BBS9: variants seen among roughly 807,000 people sequenced by gnomAD.
BBS9 encodes Bardet-Biedl syndrome 9, also known as protein PTHB1.
In BBS9, 89 loss-of-function variants were observed where a neutral mutation model predicts 117.7. The ratio of observed to expected loss-of-function variants is 0.76; its 90% CI spans 0.64 to 0.90. BBS9 has a LOEUF of 0.90. Ranked by LOEUF, BBS9 falls within the 40% of genes least tolerant of loss-of-function variation. The pLI is 0.00. For missense variants in BBS9, 982 were observed against 1,042.2 expected, an observed-to-expected ratio of 0.94 and a Z score of 0.80; for synonymous variants, 379 against 370.9, an observed-to-expected ratio of 1.02 and a Z score of -0.25.
At chr7:33,627,913 G>A (rs1007938302) in intron 21 of BBS9, among the ~76,000 whole-genome samples, 2 of 152,106 alleles carry the variant, frequency 1.3e-5, no homozygotes, top group Non-Finnish European at 2.9e-5. Context: ...ATGTGGTGGT[G>A]CATGCCTATG....
chr7:33,186,919 A>G (rs1181612707), intron 5 of BBS9, among the ~76,000 whole-genome samples: 1 of 152,218 alleles, frequency 6.6e-6, no homozygotes, highest in Non-Finnish European at 1.5e-5. Context: ...TACTAAATCA[A>G]TTTTGAAAAG....
chr7:33,596,840 C>T (rs2129189190), intron 21 of BBS9, among the ~76,000 whole-genome samples: 1 of 152,216 alleles, frequency 6.6e-6, no homozygotes, highest in South Asian at 2.1e-4. Flanking sequence ...TGCCCATCCC[C>T]CTTCCTTCTA....
chr7:33,356,047 G>T (rs1294433456), intron 15 of BBS9, among the ~76,000 whole-genome samples: 1 of 151,694 alleles, frequency 6.6e-6, no homozygotes, highest in Non-Finnish European at 1.5e-5. Flanking sequence ...TTCTTTTTGT[G>T]CCTGTACAGA....
intron 19 of BBS9, chr7:33,390,309 T>C: frequency 7.1e-6 from 7 of 985,152 alleles, no homozygotes; most frequent in Non-Finnish European, 8.4e-6. Context: ...ATTTTCTATA[T>C]AGTAAGACTT....
At chr7:33,531,951 A>T (rs2129056806) in intron 20 of BBS9, among the ~76,000 whole-genome samples, 1 of 152,334 alleles carries the variant, frequency 6.6e-6, no homozygotes, top group African/African-American at 2.4e-5. Flanking sequence ...TTTATATCTC[A>T]CCATCTCTGT....
intron 4 of BBS9, among the ~76,000 whole-genome samples, chr7:33,163,808 G>T (rs1323601832): frequency 6.6e-6 from 1 of 152,010 alleles, no homozygotes. Flanking sequence ...TTTTTTGAAG[G>T]GTTTTTTGTG....
At chr7:33,500,791 G>A (rs992895545) in intron 19 of BBS9, among the ~76,000 whole-genome samples, 3 of 152,136 alleles carry the variant, frequency 2.0e-5, no homozygotes, top group Non-Finnish European at 4.4e-5. Context: ...ACCAATTTTA[G>A]AGCCTATCTT....
chr7:33,408,794 C>T (rs926002906), intron 19 of BBS9, among the ~76,000 whole-genome samples: 4 of 152,176 alleles, frequency 2.6e-5, no homozygotes, highest in Non-Finnish European at 4.4e-5. Context: ...CATACTGCTC[C>T]CCACAGTGGA....
At chr7:33,269,726 G>GAAA (rs889472546) in intron 7 of BBS9, among the ~76,000 whole-genome samples, 2 of 110,354 alleles carry the variant, frequency 1.8e-5, no homozygotes, top group Non-Finnish European at 3.9e-5. Context: ...ACTCCAAATG[G>GAAA]AAAAAAAAAA....
intron 19 of BBS9, among the ~76,000 whole-genome samples, chr7:33,452,225 T>C (rs1837992591): frequency 6.6e-6 from 1 of 152,148 alleles, no homozygotes; most frequent in African/African-American, 2.4e-5. Flanking sequence ...TTTTATAGTT[T>C]TTAGTGTACA....
intron 19 of BBS9, among the ~76,000 whole-genome samples, chr7:33,494,885 C>G (rs991450300): frequency 6.6e-5 from 10 of 152,160 alleles, no homozygotes; most frequent in African/African-American, 2.2e-4. Flanking sequence ...AAATAACCTA[C>G]AGTTTACCCT....
At chr7:33,359,181 T>C (rs549798805) in intron 16 of BBS9, among the ~76,000 whole-genome samples, 3 of 152,122 alleles carry the variant, frequency 2.0e-5, no homozygotes, top group Non-Finnish European at 2.9e-5. Context: ...TATAAACTTA[T>C]TAGTTTCTTG....
At chr7:33,445,817 A>G (rs1175119354) in intron 19 of BBS9, among the ~76,000 whole-genome samples, 1 of 152,006 alleles carries the variant, frequency 6.6e-6, no homozygotes, top group Non-Finnish European at 1.5e-5. Context: ...AGCATCTGGC[A>G]TTTCTCCTAC....
At chr7:33,200,978 G>A (rs371689496) in intron 5 of BBS9, among the ~76,000 whole-genome samples, 6 of 152,304 alleles carry the variant, frequency 3.9e-5, no homozygotes, top group African/African-American at 4.8e-5. Context: ...ACAGGGGCCT[G>A]GGTTTGTCAA....
chr7:33,515,196 A>G (rs1305887392), intron 20 of BBS9, among the ~76,000 whole-genome samples: 1 of 152,210 alleles, frequency 6.6e-6, no homozygotes, highest in Non-Finnish European at 1.5e-5. Context: ...TTTTTGAAAG[A>G]GCTCTCTTAG....
intron 19 of BBS9, among the ~76,000 whole-genome samples, chr7:33,441,534 T>A (rs1206730237): frequency 6.6e-6 from 1 of 152,238 alleles, no homozygotes; most frequent in Non-Finnish European, 1.5e-5. Flanking sequence ...TATTACTACA[T>A]AAATTATGTC....
intron 19 of BBS9, among the ~76,000 whole-genome samples, chr7:33,444,375 G>T (rs1836671237): frequency 6.6e-6 from 1 of 152,148 alleles, no homozygotes; most frequent in South Asian, 2.1e-4. Context: ...TATTTTACAT[G>T]ATATAGATTA....
At chr7:33,484,093 A>T (rs1842809145) in intron 19 of BBS9, among the ~76,000 whole-genome samples, 3 of 152,206 alleles carry the variant, frequency 2.0e-5, no homozygotes, top group African/African-American at 7.2e-5. Context: ...TTGAGCTGAG[A>T]CCTAAATACT....
intron 16 of BBS9, among the ~76,000 whole-genome samples, chr7:33,362,453 G>T (rs1201702116): frequency 6.6e-6 from 1 of 152,074 alleles, no homozygotes; most frequent in Non-Finnish European, 1.5e-5. Context: ...TGTGATGTGA[G>T]GGATGGATGA....
Sources: gnomAD v4.1 joint callset for allele counts (sites outside exome capture counted in the v4.1 genomes callset) on GRCh38, gnomAD v4.1.1 for gene constraint, MANE v1.5 for transcripts, NCBI Gene and HGNC (gene_info 2026-07-23, HGNC 2026-07-21) for gene names.